YEATS2: variants seen among roughly 807,000 people sequenced by gnomAD.
The protein encoded by YEATS2 is YEATS domain containing 2.
Under a neutral mutation model 163.2 loss-of-function variants are expected in YEATS2, and 77 were observed. The observed-to-expected ratio is 0.47, with a 90% CI of 0.39 to 0.57. YEATS2 has a LOEUF of 0.57. Ranked by LOEUF, YEATS2 falls within the 20% of genes least tolerant of loss-of-function variation. YEATS2 has a pLI of 0.00. For missense variants in YEATS2, 1,549 were observed against 1,729.8 expected (o/e 0.90, Z 1.85); for synonymous variants, 631 against 645.1 (o/e 0.98, Z 0.33).
chr3:183,793,313 A>T, intron 21 of YEATS2: 1 of 1,103,126 alleles, frequency 9.1e-7, no homozygotes, highest in Non-Finnish European at 1.1e-6. Flanking sequence ...TCTTGTTTGG[A>T]TAGAGAACAA....
intron 19 of YEATS2, among the ~76,000 whole-genome samples, chr3:183,783,869 TTTA>T (rs1337865263): frequency 6.6e-6 from 1 of 151,934 alleles, no homozygotes; most frequent in Non-Finnish European, 1.5e-5. Flanking sequence ...AGTAGAATGA[TTTA>T]TTTTCTTTTG....
intron 26 of YEATS2, chr3:183,803,618 T>G (rs1725898894): frequency 2.0e-6 from 1 of 507,506 alleles, no homozygotes; most frequent in African/African-American, 1.9e-5. Flanking sequence ...GGTGCTGTGG[T>G]GAGTTTAGGG....
intron 22 of YEATS2, among the ~76,000 whole-genome samples, 195 bp from the exon 23 acceptor site, chr3:183,798,696 A>G (rs552277878): frequency 2.6e-5 from 4 of 152,130 alleles, no homozygotes; most frequent in Non-Finnish European, 4.4e-5. Flanking sequence ...TCCCGTTTCT[A>G]CAGTTGAAGA....
At position 183,776,265 on chromosome 3, in the gene YEATS2, C is replaced by T. The variant is rs867541875; in HGVS notation, c.2577+142C>T. ...GTGTTATCTATATCTATATCTTGGC[C>T]GGGTGTGGTAACTCATGCCTGTAAT... On this transcript the variant is annotated intron_variant, in intron 18 of 30. Transcript: ENST00000305135. The T allele has an allele frequency of 1.3e-4, 121 of 917,040 alleles. 2 individuals are homozygous for T. The East Asian group carries it at 2.6e-3, about 19-fold the overall frequency. The allele number at this position is 917,040 out of a possible 1,614,324, so 56.8% of individuals were successfully genotyped here.
chr3:183,724,548 A>G lies in YEATS2; in HGVS notation c.650+17A>G, dbSNP rs1349505235. On this transcript the variant is annotated intron_variant, in intron 6 of 30. Transcript: ENST00000305135. ...TGTGTCCAAGTGAGTATCCAGTTGA[A>G]TTTATTTTTATTTGTCCATTTGTGT... The G allele has an allele frequency of 5.2e-6, 8 of 1,542,380 alleles. No individual in the cohort carries two copies. Among genetic ancestry groups the G allele is most frequent in the Non-Finnish European group, 5.4e-6 (6 of 1,121,086 alleles).
At chr3:183,781,916 T>A (rs263013) in intron 19 of YEATS2, among the ~76,000 whole-genome samples, 109,898 of 150,172 alleles carry the variant, frequency 0.73, 41,496 homozygotes, top group East Asian at 0.96. Flanking sequence ...AAAAAAAAAA[T>A]TTTTTTTTTC....
chr3:183,795,705 G>A (rs1207108261), intron 21 of YEATS2, among the ~76,000 whole-genome samples: 3 of 151,982 alleles, frequency 2.0e-5, no homozygotes, highest in East Asian at 1.9e-4. Flanking sequence ...GAGGTGGAAT[G>A]GGGTTGGCTA....
intron 1 of YEATS2, among the ~76,000 whole-genome samples, chr3:183,711,723 A>G (rs1216704532): frequency 6.6e-6 from 1 of 152,140 alleles, no homozygotes; most frequent in Non-Finnish European, 1.5e-5. Flanking sequence ...AACATTACAT[A>G]ATGAGCCACT....
At chr3:183,790,218 T>C (rs1260915523) in intron 20 of YEATS2, among the ~76,000 whole-genome samples, 2 of 152,250 alleles carry the variant, frequency 1.3e-5, no homozygotes, top group Non-Finnish European at 2.9e-5. Context: ...CCCTCCTGTT[T>C]CTATTCCTAG....
chr3:183,748,216 C>T (rs1042451763), intron 9 of YEATS2, among the ~76,000 whole-genome samples: 1 of 150,752 alleles, frequency 6.6e-6, no homozygotes, highest in African/African-American at 2.4e-5. Context: ...CTTCCTTCTC[C>T]CTTCCCTTTC....
chr3:183,751,701 G>T (rs1720182609), intron 9 of YEATS2, among the ~76,000 whole-genome samples: 1 of 152,198 alleles, frequency 6.6e-6, no homozygotes, highest in Non-Finnish European at 1.5e-5. Flanking sequence ...TTCTTGGGTG[G>T]TTAGGCATGG....
intron 19 of YEATS2, among the ~76,000 whole-genome samples, chr3:183,782,498 A>T (rs748002174): frequency 6.6e-6 from 1 of 151,844 alleles, no homozygotes; most frequent in Non-Finnish European, 1.5e-5. Context: ...ATCTCAGCTC[A>T]CTACGACCTC....
At chr3:183,718,996 A>G (rs113591637) in intron 4 of YEATS2, among the ~76,000 whole-genome samples, 4,185 of 151,804 alleles carry the variant, frequency 0.028, 188 homozygotes, top group African/African-American at 0.096. Flanking sequence ...TGCCTGGCCT[A>G]AAATACTTCT....
chr3:183,751,927 C>G, intron 9 of YEATS2, 146 bp from the exon 10 acceptor site: 1 of 828,752 alleles, frequency 1.2e-6, no homozygotes, highest in Non-Finnish European at 1.9e-6. Context: ...TAGAATAAAT[C>G]CTTTAGTTCT....
chr3:183,809,287 AG>A (rs1277836186), intron 30 of YEATS2, 117 bp downstream of exon 30: 1 of 1,039,444 alleles, frequency 9.6e-7, no homozygotes, highest in Non-Finnish European at 1.5e-6. Flanking sequence ...GTGAGTGCTT[AG>A]GACACTCTTA....
At position 183,722,146 on chromosome 3, in the gene YEATS2, T is replaced by A. The variant is rs1274714918; in HGVS notation, c.537+10T>A. ...CCGAAATACTGGAAGGGTATATAGATGGGTGGATGTGGGAGGGAGCCACAG... is the reference window on the plus strand; with the variant it reads ...CCGAAATACTGGAAGGGTATATAGAAGGGTGGATGTGGGAGGGAGCCACAG... On this transcript the variant is annotated intron_variant, in intron 5 of 30. Coordinates refer to ENST00000305135, the MANE Select transcript of YEATS2 (RefSeq NM_018023.5). 3 of 1,609,056 alleles carry A rather than the reference T, an allele frequency of 1.9e-6. No individual in the cohort carries two copies. The highest frequency in any genetic ancestry group is 2.5e-6 in the Non-Finnish European group (3 of 1,177,634).
intron 4 of YEATS2, among the ~76,000 whole-genome samples, chr3:183,719,325 C>T (rs993507703): frequency 4.6e-5 from 7 of 151,970 alleles, no homozygotes; most frequent in African/African-American, 7.2e-5. Flanking sequence ...TTACTAGAGA[C>T]GGGGTTTCTC....
At chr3:183,734,099 C>CAGA (rs1718092880) in intron 7 of YEATS2, among the ~76,000 whole-genome samples, 1 of 152,174 alleles carries the variant, frequency 6.6e-6, no homozygotes, top group Non-Finnish European at 1.5e-5. Flanking sequence ...TAGAAATATA[C>CAGA]TGTGAGCCAC....
At chr3:183,718,411 C>G in intron 3 of YEATS2, 89 bp from the exon 4 acceptor site, 1 of 843,284 alleles carries the variant, frequency 1.2e-6, no homozygotes, top group Non-Finnish European at 1.7e-6. Flanking sequence ...TTTTTTTTCA[C>G]TCATTCACGT....
Sources: allele counts gnomAD v4.1 joint callset (sites outside exome capture counted in the v4.1 genomes callset), GRCh38; gene constraint gnomAD v4.1.1; transcripts MANE v1.5; gene names NCBI Gene and HGNC (gene_info 2026-07-23, HGNC 2026-07-21).